Variants in JUP observed in about 807,000 individuals in gnomAD.
JUP encodes the protein junction plakoglobin.
JUP carries 28 observed loss-of-function variants against 71.1 expected under a neutral mutation model. The observed-to-expected ratio is 0.39, with a 90% CI of 0.29 to 0.54. The LOEUF (loss-of-function observed/expected upper bound fraction) is 0.54. Ranked by LOEUF, JUP falls within the 20% of genes least tolerant of loss-of-function variation. The pLI is 0.62. For synonymous variants in JUP, 401 were observed against 438.9 expected, an observed-to-expected ratio of 0.91 and a Z score of 1.08; for missense variants, 869 against 1,030.1, an observed-to-expected ratio of 0.84 and a Z score of 2.14.
intron 1 of JUP, chr17:41,775,911 C>T (rs2046861946): frequency 5.2e-6 from 5 of 960,932 alleles, no homozygotes; most frequent in Non-Finnish European, 6.2e-6. Flanking sequence ...CACCGGGCAC[C>T]CTAAATCCAA....
At chr17:41,770,857 G>A (rs1451058209) in intron 2 of JUP, among the ~76,000 whole-genome samples, 1 of 152,198 alleles carries the variant, frequency 6.6e-6, no homozygotes, top group African/African-American at 2.4e-5. Context: ...CCAACGAGGG[G>A]CCCTCAGGCT....
At position 41,774,230 on chromosome 17, in the gene JUP, ATGGGGGGG is replaced by A. The variant is rs1186832495; in HGVS notation, c.-8-2376_-8-2369del. Among the ~76,000 whole-genome samples, 107 of 140,424 alleles carry A rather than the reference ATGGGGGGG, an allele frequency of 7.6e-4. 1 individual carries two copies. The highest frequency in any genetic ancestry group is 2.6e-3 in the African/African-American group (101 of 39,442). 92.1% of individuals were successfully genotyped at this position (140,424 alleles called of 152,430 possible). A position where few individuals can be genotyped will look rare whatever the true frequency, so the allele number is the denominator to read the frequency against. ...GGAGAGACAGAAGCCACAGGATGCC[ATGGGGGGG>A]TGGGGGGGTGGACGCCCAGTGGCCT... On this transcript the variant is annotated intron_variant, in intron 1 of 13. Coordinates refer to ENST00000393931, the MANE Select transcript of JUP (RefSeq NM_002230.4).
At position 41,767,593 on chromosome 17, in the gene JUP, G is replaced by GGC; in HGVS notation, c.708-14_708-13insGC. The GGC allele has an allele frequency of 2.4e-6, 3 of 1,267,488 alleles. No individual in the cohort carries two copies. The highest frequency in any genetic ancestry group is 3.4e-6 in the Non-Finnish European group (3 of 873,072). The allele number at this position is 1,267,488 out of a possible 1,614,324, so 78.5% of individuals were successfully genotyped here. ...CTCCACAGGGGAGCTGGGGGGGTGGGCAGGGGTTAGTACGCTGAGGTCCCA... is the reference window on the plus strand; with the variant it reads ...CTCCACAGGGGAGCTGGGGGGGTGGGGCCAGGGGTTAGTACGCTGAGGTCCCA... On this transcript the variant is annotated splice_polypyrimidine_tract_variant and intron_variant, in intron 4 of 13. Transcript: ENST00000393931.
chr17:41,784,531 A>C (rs1555611238), intron 1 of JUP, among the ~76,000 whole-genome samples: 1 of 152,142 alleles, frequency 6.6e-6, no homozygotes, highest in South Asian at 2.1e-4. Flanking sequence ...CAACATAATT[A>C]CAATGCCCTC....
In JUP at chr17:41,763,305, A is replaced by G; in HGVS notation, c.1175T>C (p.Val392Ala). ...CAGCTGATTCACCAGAATCTTCAGCACACTCTCCAGGCCCTCCTGGAGGGC... is the reference window on the plus strand; with the variant it reads ...CAGCTGATTCACCAGAATCTTCAGCGCACTCTCCAGGCCCTCCTGGAGGGC... ...VATKQEGLESVLKILVNQLSV... is the reference protein window; with the variant it reads ...VATKQEGLESALKILVNQLSV... The change falls in exon 8 of 14, where the codon GTG becomes GCG. Residue 392 changes from valine (V) to alanine (A), a missense_variant. By Grantham distance (64) the Val-to-Ala change is moderately conservative. Coordinates refer to ENST00000393931, the MANE Select transcript of JUP (RefSeq NM_002230.4). 2 of 1,614,054 alleles carry G rather than the reference A, an allele frequency of 1.2e-6. No individual in the cohort carries two copies. Among genetic ancestry groups the G allele is most frequent in the Non-Finnish European group, 1.7e-6 (2 of 1,179,978 alleles).
chr17:41,783,549 T>G (rs1555610869), intron 1 of JUP, among the ~76,000 whole-genome samples: 1 of 152,094 alleles, frequency 6.6e-6, no homozygotes, highest in Admixed American at 6.5e-5. Flanking sequence ...CTTCTGGGCC[T>G]CCTAACGTGC....
At chr17:41,781,064 C>T (rs1555610149) in intron 1 of JUP, among the ~76,000 whole-genome samples, 1 of 152,052 alleles carries the variant, frequency 6.6e-6, no homozygotes, top group African/African-American at 2.4e-5. Context: ...GCCTGTAGTC[C>T]CAGCTACTCG....
In JUP at chr17:41,760,840, C is replaced by A. The variant is rs1180928348; in HGVS notation, c.1498-1970G>T. ...CCTCCCAAAGTGCTGGGATTACAGG[C>A]GTGAGCCACTGCGCCTGGCCTGTCT... On this transcript the variant is annotated intron_variant, in intron 8 of 13. Transcript: ENST00000393931. 3.9e-5 allele frequency among the ~76,000 whole-genome samples: 6 copies of A among 152,260 alleles called. 1 individual carries two copies. In the East Asian group the frequency reaches 1.2e-3, roughly 30 times the overall value.
chr17:41,756,015 C>G (rs1208390187), intron 13 of JUP, 120 bp from the exon 14 acceptor site: 6 of 1,376,726 alleles, frequency 4.4e-6, no homozygotes, highest in Non-Finnish European at 5.1e-6. Flanking sequence ...TGACCCCTCC[C>G]CAGACCCCAC....
At chr17:41,762,363 A>G (rs1555601742) in intron 8 of JUP, among the ~76,000 whole-genome samples, 1 of 151,562 alleles carries the variant, frequency 6.6e-6, no homozygotes, top group Non-Finnish European at 1.5e-5. Context: ...CTGGAACTAC[A>G]GATGTGAGCC....
chr17:41,781,902 C>T (rs1555610369), intron 1 of JUP, among the ~76,000 whole-genome samples: 4 of 152,156 alleles, frequency 2.6e-5, no homozygotes, highest in Admixed American at 1.3e-4. Flanking sequence ...CTCAAGTCCT[C>T]GGGGGAGATG....
chr17:41,763,630 G>T (rs1567810744), intron 7 of JUP, among the ~76,000 whole-genome samples: 1 of 152,086 alleles, frequency 6.6e-6, no homozygotes, highest in South Asian at 2.1e-4. Flanking sequence ...TTTCCCTGGG[G>T]CCCTCAGACC....
At chr17:41,764,630 C>T (rs1231664659) in intron 7 of JUP, 83 bp downstream of exon 7, 4 of 1,088,566 alleles carry the variant, frequency 3.7e-6, no homozygotes, top group Non-Finnish European at 5.7e-6. Flanking sequence ...AGTCCTCCCA[C>T]AGTACCTCAG....
intron 1 of JUP, among the ~76,000 whole-genome samples, chr17:41,778,131 G>A (rs782099873): frequency 3.7e-4 from 57 of 152,294 alleles, no homozygotes; most frequent in Non-Finnish European, 7.2e-4. Context: ...CAGCAGCTCC[G>A]ATCCCAGCTG....
chr17:41,757,285 G>A lies in JUP; in HGVS notation c.2046+130C>T, dbSNP rs1913978166. 4 of 1,078,420 alleles carry A rather than the reference G, an allele frequency of 3.7e-6. No individual in the cohort carries two copies. The Admixed American group carries it at 7.5e-5, about 20-fold the overall frequency. The allele number at this position is 1,078,420 out of a possible 1,614,324, so 66.8% of individuals were successfully genotyped here. A position where few individuals can be genotyped will look rare whatever the true frequency, so the allele number is the denominator to read the frequency against. On this transcript the variant is annotated intron_variant, in intron 12 of 13. Coordinates refer to ENST00000393931, the MANE Select transcript of JUP (RefSeq NM_002230.4). ...CCACTACTTCCATCTGCTAGGAATT[G>A]TTATAAATGATCCAATTACAAAATA...
intron 1 of JUP, chr17:41,785,129 G>C (rs1555611419): frequency 2.0e-5 from 3 of 152,124 alleles, no homozygotes; most frequent in Non-Finnish European, 4.4e-5. Flanking sequence ...GGGTGGGAAA[G>C]GTCTGTGCAG....
intron 5 of JUP, among the ~76,000 whole-genome samples, chr17:41,765,882 C>T (rs1283864878): frequency 6.6e-6 from 1 of 152,164 alleles, no homozygotes; most frequent in African/African-American, 2.4e-5. Flanking sequence ...ACATTCATTA[C>T]AGCATTGTTT....
rs782726651 is a variant in JUP, at chr17:41,758,712, T to C, written c.1653+3A>G. ...CTGTCAGAGGCACCACCAGCTCACA[T>C]ACCGTGTAGGGCTGCTGTGTGCCTG... is the stretch of plus-strand genomic sequence containing the variant. On this transcript the variant is annotated splice_donor_region_variant and intron_variant, in intron 9 of 13. Transcript: ENST00000393931. The C allele has an allele frequency of 2.5e-6, 4 of 1,599,256 alleles. No individual in the cohort carries two copies. The Admixed American group carries it at 5.2e-5, about 21-fold the overall frequency.
intron 7 of JUP, among the ~76,000 whole-genome samples, chr17:41,763,975 C>T (rs998171721): frequency 2.0e-5 from 3 of 152,158 alleles, no homozygotes; most frequent in African/African-American, 7.2e-5. Context: ...CCATTAGCTC[C>T]CCGAGCCTCA....
Sources: allele counts gnomAD v4.1 joint callset (sites outside exome capture counted in the v4.1 genomes callset), GRCh38; gene constraint gnomAD v4.1.1; transcripts MANE v1.5; gene names NCBI Gene and HGNC (gene_info 2026-07-23, HGNC 2026-07-21).